The following TMIGD3 variants were observed in gnomAD, a reference collection of about 807,000 sequenced individuals.
The protein encoded by TMIGD3 is transmembrane and immunoglobulin domain containing 3, also known as AD026 protein (AD026).
Under a neutral mutation model 28.1 loss-of-function variants are expected in TMIGD3, and 21 were observed. That is an observed-to-expected ratio of 0.75 (90% CI 0.53 to 1.08). The LOEUF (loss-of-function observed/expected upper bound fraction) is 1.08, where lower values mean the gene tolerates loss of function less well. Ranked by LOEUF, TMIGD3 falls within the 50% of genes least tolerant of loss-of-function variation. TMIGD3 has a pLI of 0.00. For missense variants in TMIGD3, 416 were observed against 435.6 expected, an observed-to-expected ratio of 0.96 and a Z score of 0.40; for synonymous variants, 151 against 162.1, an observed-to-expected ratio of 0.93 and a Z score of 0.52.
chr1:111,551,263 G>A (rs1290057384), intron 1 of TMIGD3, among the ~76,000 whole-genome samples: 3 of 151,940 alleles, frequency 2.0e-5, no homozygotes, highest in Admixed American at 1.3e-4. Flanking sequence ...AAGGGCTTAC[G>A]TGTGCCATTT....
Position 111,532,973 on chromosome 1 carries a change from T to C in TMIGD3, c.107+30873A>G, listed in dbSNP as rs1169095433. On this transcript the variant is annotated intron_variant, in intron 1 of 5. Transcript: ENST00000369717. ...GGCCCTGTTTATCCACACTGCTCTG[T>C]AGAGGGGAGGAACAATCTGTCTTTG... is the stretch of plus-strand genomic sequence containing the variant. Among the ~76,000 whole-genome samples, 3 of 152,272 alleles carry C rather than the reference T, an allele frequency of 2.0e-5. No individual in the cohort carries two copies. In the East Asian group the frequency reaches 5.8e-4, roughly 29 times the overall value.
At chr1:111,523,470 A>C (rs552230285) in intron 1 of TMIGD3, among the ~76,000 whole-genome samples, 1 of 152,100 alleles carries the variant, frequency 6.6e-6, no homozygotes, top group Non-Finnish European at 1.5e-5. Context: ...GTCTGATTTC[A>C]ATAACAAAGC....
At chr1:111,535,815 C>A (rs556992397) in intron 1 of TMIGD3, among the ~76,000 whole-genome samples, 2 of 152,242 alleles carry the variant, frequency 1.3e-5, no homozygotes, top group Admixed American at 1.3e-4. Context: ...CAAAAGGAAT[C>A]AAAAAGATGT....
At chr1:111,516,517 C>T (rs1467911588) in intron 1 of TMIGD3, among the ~76,000 whole-genome samples, 1 of 152,208 alleles carries the variant, frequency 6.6e-6, no homozygotes, top group African/African-American at 2.4e-5. Flanking sequence ...GGTTAGTGAA[C>T]TTGAGAGAGC....
intron 1 of TMIGD3, 74 bp from the exon 2 acceptor site, chr1:111,490,836 A>AG: frequency 9.4e-7 from 1 of 1,064,524 alleles, no homozygotes. Context: ...TGAAAAGGGA[A>AG]ACAACCAGTT....
intron 1 of TMIGD3, among the ~76,000 whole-genome samples, chr1:111,534,145 A>G (rs906825788): frequency 6.6e-6 from 1 of 152,312 alleles, no homozygotes; most frequent in African/African-American, 2.4e-5. Context: ...TCTTCGTTAT[A>G]CAAATGGAAT....
chr1:111,533,678 C>T (rs34826303), intron 1 of TMIGD3, among the ~76,000 whole-genome samples: 30,288 of 152,068 alleles, frequency 0.2, 3,552 homozygotes, highest in East Asian at 0.47. Context: ...CTCAGCCCCC[C>T]GAGTAGCTGG....
intron 1 of TMIGD3, among the ~76,000 whole-genome samples, chr1:111,548,691 A>C (rs1432548462): frequency 2.6e-5 from 4 of 152,224 alleles, no homozygotes. Context: ...ATGGTCTGCC[A>C]CCGTAGGCTT....
At chr1:111,518,715 T>G (rs1175203798) in intron 1 of TMIGD3, among the ~76,000 whole-genome samples, 1 of 152,134 alleles carries the variant, frequency 6.6e-6, no homozygotes, top group East Asian at 1.9e-4. Flanking sequence ...AGTTCCTAAA[T>G]AAGGAAGGTG....
upstream of TMIGD3, among the ~76,000 whole-genome samples, chr1:111,506,913 T>TTTTA (rs1553201740): frequency 1.1e-4 from 13 of 121,908 alleles, no homozygotes; most frequent in African/African-American, 4.5e-4. Context: ...TATATATATA[T>TTTTA]TATATATATA....
rs139465131 is a variant in TMIGD3, at chr1:111,553,425, G to A, written c.107+10421C>T. Reference sequence around the variant, plus strand: ...CCACTATGCTATGATTAATAGAGTCGTTTGTCTCTGACTCAGGAGTCTCAT... The same window carrying A: ...CCACTATGCTATGATTAATAGAGTCATTTGTCTCTGACTCAGGAGTCTCAT... On this transcript the variant is annotated intron_variant, in intron 1 of 5. Coordinates refer to the TMIGD3 transcript ENST00000369717. 2.9e-4 allele frequency among the ~76,000 whole-genome samples: 44 copies of A among 152,250 alleles called. No homozygotes were observed. The East Asian group carries it at 7.7e-3, about 27-fold the overall frequency.
intron 1 of TMIGD3, among the ~76,000 whole-genome samples, chr1:111,541,516 G>A (rs948747005): frequency 3.3e-5 from 5 of 152,216 alleles, no homozygotes; most frequent in Admixed American, 2.6e-4. Context: ...GACATGCCAA[G>A]TTGGAGGTGT....
intron 1 of TMIGD3, among the ~76,000 whole-genome samples, chr1:111,531,593 T>C (rs1656461775): frequency 6.6e-6 from 1 of 152,232 alleles, no homozygotes. Context: ...ATTTTGCTCC[T>C]CACTGTGAAT....
intron 1 of TMIGD3, among the ~76,000 whole-genome samples, chr1:111,529,221 C>T (rs1446836099): frequency 6.6e-6 from 1 of 151,664 alleles, no homozygotes; most frequent in African/African-American, 2.4e-5. Flanking sequence ...TCAAAAATTT[C>T]AAGATTTAAC....
chr1:111,499,205 C>T (rs1193204415), intron 1 of TMIGD3, among the ~76,000 whole-genome samples: 1 of 152,092 alleles, frequency 6.6e-6, no homozygotes, highest in African/African-American at 2.4e-5. Context: ...GAATGAAACA[C>T]CAGGGGAAAT....
chr1:111,557,671 T>G (rs546049517), intron 1 of TMIGD3, among the ~76,000 whole-genome samples: 1 of 152,080 alleles, frequency 6.6e-6, no homozygotes, highest in African/African-American at 2.4e-5. Flanking sequence ...TAGAATGATA[T>G]CAGAAAAAAG....
chr1:111,513,433 T>C (rs953095713), intron 1 of TMIGD3, among the ~76,000 whole-genome samples: 2 of 152,206 alleles, frequency 1.3e-5, no homozygotes, highest in Admixed American at 6.5e-5. Context: ...TGACCTGAAA[T>C]ACAAAACATC....
chr1:111,503,586 G>T lies in TMIGD3; in HGVS notation c.-232C>A, dbSNP rs935820699. The T allele has an allele frequency of 3.0e-6, 4 of 1,354,090 alleles. No individual in the cohort carries two copies. Among genetic ancestry groups the T allele is most frequent in the Non-Finnish European group, 3.8e-6 (4 of 1,049,378 alleles). 83.9% of individuals were successfully genotyped at this position (1,354,090 alleles called of 1,614,324 possible). ...GTCACTTCCAGCCCCTTTATGCACC[G>T]CACATCCTCAAGTTTCCAGAATGCT... is the stretch of plus-strand genomic sequence containing the variant. On this transcript the variant is annotated 5_prime_UTR_variant, in exon 1 of 6. An upstream open reading frame in the 5' UTR gains an earlier in-frame stop. Transcript: ENST00000369716.
intron 1 of TMIGD3, among the ~76,000 whole-genome samples, chr1:111,522,578 G>A (rs58255229): frequency 0.26 from 38,423 of 149,950 alleles, 5,406 homozygotes; most frequent in East Asian, 0.67. Context: ...GTGCAGTGGC[G>A]TGATCTCAGC....
Sources: allele counts gnomAD v4.1 joint callset (sites outside exome capture counted in the v4.1 genomes callset), GRCh38; gene constraint gnomAD v4.1.1; transcripts MANE v1.5; gene names NCBI Gene and HGNC (gene_info 2026-07-23, HGNC 2026-07-21).